ARHGAP1: variants seen among roughly 807,000 people sequenced by gnomAD.
The protein encoded by ARHGAP1 is rho GTPase-activating protein 1.
Under a neutral mutation model 52.2 loss-of-function variants are expected in ARHGAP1, and 23 were observed. That is an observed-to-expected ratio of 0.44 (90% CI 0.32 to 0.62). The LOEUF (loss-of-function observed/expected upper bound fraction) is 0.62, where lower values mean the gene tolerates loss of function less well. Ranked by LOEUF, ARHGAP1 falls within the 20% of genes least tolerant of loss-of-function variation. The pLI, the probability that ARHGAP1 is intolerant of heterozygous loss-of-function variation, is 0.05. For missense variants in ARHGAP1, 480 were observed against 560.9 expected, an observed-to-expected ratio of 0.86 and a Z score of 1.46; for synonymous variants, 210 against 228.4, an observed-to-expected ratio of 0.92 and a Z score of 0.73.
chr11:46,695,570 G>A (rs1183996875), intron 3 of ARHGAP1, 90 bp downstream of exon 3: 2 of 1,349,846 alleles, frequency 1.5e-6, no homozygotes, highest in Non-Finnish European at 2.1e-6. Flanking sequence ...CGGTCAGACT[G>A]CAGAGAGGCC....
chr11:46,685,973 CTT>C (rs879269497), intron 4 of ARHGAP1, among the ~76,000 whole-genome samples: 12 of 123,190 alleles, frequency 9.7e-5, no homozygotes, highest in Admixed American at 3.4e-4. Flanking sequence ...CGTACCCGGA[CTT>C]TTTTTTTTTT....
rs746272678 is a variant in ARHGAP1 at position 46,681,157 on chromosome 11, G to A, written c.537-48C>T. 5.1e-6 allele frequency: 8 copies of A among 1,571,144 alleles called. No individual in the cohort carries two copies. In the Admixed American group the frequency reaches 1.2e-4, roughly 23 times the overall value. On this transcript the variant is annotated intron_variant, in intron 6 of 12. Transcript: ENST00000311956. This position sits in a 1 kb window ranked among gnomAD's most constrained non-coding sequence, Gnocchi z 5.7. ...GGGTTGTGGGGGCCCGCTTCCGGTG[G>A]CCTCCACTCTCCCCTCAACACCCAC... is the stretch of plus-strand genomic sequence containing the variant.
intron 4 of ARHGAP1, among the ~76,000 whole-genome samples, chr11:46,682,844 A>T (rs1175633231): frequency 6.6e-6 from 1 of 152,184 alleles, no homozygotes; most frequent in African/African-American, 2.4e-5. Context: ...GATGACAGTC[A>T]CCATTTCTCA....
chr11:46,684,858 C>T (rs922073725), intron 4 of ARHGAP1, among the ~76,000 whole-genome samples: 2 of 152,140 alleles, frequency 1.3e-5, no homozygotes, highest in East Asian at 1.9e-4. Context: ...GAGGCAGAGA[C>T]GGGCAGATCA....
intron 3 of ARHGAP1, among the ~76,000 whole-genome samples, chr11:46,690,396 A>G (rs895067939): frequency 6.6e-6 from 1 of 151,130 alleles, no homozygotes; most frequent in African/African-American, 2.4e-5. Flanking sequence ...CAAAAAAAAA[A>G]AGACAAAATT....
At chr11:46,698,140 G>A (rs2064671222) in intron 1 of ARHGAP1, among the ~76,000 whole-genome samples, 1 of 152,208 alleles carries the variant, frequency 6.6e-6, no homozygotes, top group Non-Finnish European at 1.5e-5. Flanking sequence ...GTAGTATGGA[G>A]AGCTGGATTA....
chr11:46,692,760 T>C (rs2064623302), intron 3 of ARHGAP1, among the ~76,000 whole-genome samples: 1 of 152,090 alleles, frequency 6.6e-6, no homozygotes, highest in African/African-American at 2.4e-5. Flanking sequence ...TGATCTCAGC[T>C]CACTGCAACC....
intron 4 of ARHGAP1, chr11:46,687,701 T>A (rs1235754551): frequency 1.3e-5 from 2 of 154,798 alleles, no homozygotes; most frequent in African/African-American, 4.8e-5. Context: ...CCAGAGCTAT[T>A]ACATATGTTT....
intron 3 of ARHGAP1, among the ~76,000 whole-genome samples, chr11:46,691,675 C>T (rs2064616433): frequency 6.6e-6 from 1 of 152,134 alleles, no homozygotes; most frequent in African/African-American, 2.4e-5. Flanking sequence ...TGGTCTCAAA[C>T]TCCCGACCTC....
intron 2 of ARHGAP1, 79 bp downstream of exon 2, chr11:46,695,896 C>T: frequency 6.2e-7 from 1 of 1,608,984 alleles, no homozygotes; most frequent in Non-Finnish European, 8.5e-7. Flanking sequence ...ATCCTGCCCT[C>T]CTGGCGTCTC....
rs2064563454 is a variant in ARHGAP1 at position 46,685,675 on chromosome 11, T to C, written c.317+2498A>G. On this transcript the variant is annotated intron_variant, in intron 4 of 12. Coordinates refer to ENST00000311956, the MANE Select transcript of ARHGAP1 (RefSeq NM_004308.5). ...CAGCCCTGGGAGGTGGGCACAAGTC[T>C]CTTTTTTTTTTTTTTTTTTTTGAGA... Among the ~76,000 whole-genome samples, 6 of 134,904 alleles carry C rather than the reference T, an allele frequency of 4.4e-5. No individual in the cohort carries two copies. The South Asian group carries it at 1.3e-3, about 30-fold the overall frequency. 88.5% of individuals were successfully genotyped at this position (134,904 alleles called of 152,430 possible).
intron 4 of ARHGAP1, among the ~76,000 whole-genome samples, chr11:46,685,672 G>T (rs1342902699): frequency 7.4e-6 from 1 of 135,844 alleles, no homozygotes; most frequent in Non-Finnish European, 1.5e-5. Context: ...GTGGGCACAA[G>T]TCTCTTTTTT....
intron 3 of ARHGAP1, among the ~76,000 whole-genome samples, chr11:46,694,386 G>C (rs2134495188): frequency 6.6e-6 from 1 of 152,044 alleles, no homozygotes; most frequent in African/African-American, 2.4e-5. Context: ...CAGCCCCAGA[G>C]GTTGCAGTCC....
At chr11:46,689,137 G>A (rs560536918) in intron 3 of ARHGAP1, among the ~76,000 whole-genome samples, 5 of 151,790 alleles carry the variant, frequency 3.3e-5, no homozygotes, top group Admixed American at 2.0e-4. Context: ...GTCCATCAGC[G>A]GATAAAAGAT....
rs769195308 is a variant in ARHGAP1 at position 46,682,068 on chromosome 11, G to A, written c.432C>T (p.Tyr144=). ...KPSLSWLRDA[Y]REFDRKYKKN... The stretch of plus-strand genomic sequence containing the variant: ...CAACCCACTTGCGGTCAAACTCCCG[G>A]TAGGCATCACGGAGCCAGCTGAGGG... Residue 144 remains tyrosine (Y), a synonymous_variant, in exon 5 of 13, where the codon TAC becomes TAT. Transcript: ENST00000311956. 1.2e-6 allele frequency: 2 copies of A among 1,614,148 alleles called. No homozygotes were observed. The highest frequency in any genetic ancestry group is 2.2e-5 in the South Asian group (2 of 91,086).
Position 46,681,218 on chromosome 11 carries a change from C to T in ARHGAP1, c.536+75G>A, listed in dbSNP as rs2064525076. On this transcript the variant is annotated intron_variant, in intron 6 of 12. Coordinates refer to ENST00000311956, the MANE Select transcript of ARHGAP1 (RefSeq NM_004308.5). The surrounding 1 kb of genome is among the most constrained non-coding windows in gnomAD (Gnocchi z 5.7). ...CGGAAGCCCAGCCGCACCTGGTGGT[C>T]CCCAGGCTGCCCAGCCTCCCAGCTT... 6.5e-7 allele frequency: 1 copy of T among 1,547,902 alleles called. No individual in the cohort carries two copies. The highest frequency in any genetic ancestry group is 8.9e-7 in the Non-Finnish European group (1 of 1,120,256).
chr11:46,682,229 G>C, intron 4 of ARHGAP1, 47 bp from the exon 5 acceptor site: 1 of 1,604,132 alleles, frequency 6.2e-7, no homozygotes, highest in Non-Finnish European at 8.5e-7. Context: ...CACAGGGGCG[G>C]CCCCACGAAG....
chr11:46,691,797 A>G (rs1279268410), intron 3 of ARHGAP1, among the ~76,000 whole-genome samples: 2 of 152,124 alleles, frequency 1.3e-5, no homozygotes, highest in East Asian at 3.9e-4. Context: ...CATGTTAGCC[A>G]GGCTGGTCTC....
intron 2 of ARHGAP1, 38 bp from the exon 3 acceptor site, chr11:46,695,793 G>A (rs1375722493): frequency 1.9e-6 from 3 of 1,553,334 alleles, no homozygotes; most frequent in Admixed American, 1.9e-5. Flanking sequence ...AAGCCAGGGG[G>A]CTGGCACCAT....
Sources: gnomAD v4.1 joint callset for allele counts (sites outside exome capture counted in the v4.1 genomes callset) on GRCh38, gnomAD v4.1.1 for gene constraint, Gnocchi (gnomAD v3.1) non-coding constraint, MANE v1.5 for transcripts, NCBI Gene and HGNC (gene_info 2026-07-23, HGNC 2026-07-21) for gene names.